NEK3: variants seen among roughly 807,000 people sequenced by gnomAD.
The protein encoded by NEK3 is NIMA related kinase 3, also known as serine/threonine-protein kinase Nek3.
A neutral mutation model predicts 66.0 loss-of-function variants in NEK3; 54 were observed. The ratio of observed to expected loss-of-function variants is 0.82; its 90% CI spans 0.66 to 1.03. The LOEUF is 1.03. NEK3 is among the 50% of genes least tolerant of loss of function. The pLI, the probability that NEK3 is intolerant of heterozygous loss-of-function variation, is 0.00. For synonymous variants in NEK3, 200 were observed against 206.2 expected, an observed-to-expected ratio of 0.97 and a Z score of 0.26; for missense variants, 593 against 603.0, an observed-to-expected ratio of 0.98 and a Z score of 0.17.
chr13:52,134,099 T>C (rs1182855911), intron 14 of NEK3, among the ~76,000 whole-genome samples: 1 of 152,064 alleles, frequency 6.6e-6, no homozygotes, highest in African/African-American at 2.4e-5. Context: ...GGCATGATCA[T>C]AGCTCAATGC....
At chr13:52,144,634 A>C (rs537356937) in intron 9 of NEK3, 57 bp downstream of exon 9, 1 of 1,378,566 alleles carries the variant, frequency 7.3e-7, no homozygotes, top group Admixed American at 1.8e-5. Flanking sequence ...AAAAGATAAC[A>C]AACCATTTTA....
chr13:52,139,463 G>A (rs1469246381), intron 11 of NEK3, among the ~76,000 whole-genome samples: 1 of 152,168 alleles, frequency 6.6e-6, no homozygotes, highest in African/African-American at 2.4e-5. Context: ...CAGAGTTTCT[G>A]TTTGGGATGA....
At chr13:52,136,392 A>G (rs1047361203) in intron 12 of NEK3, 133 bp from the exon 13 acceptor site, 2 of 939,780 alleles carry the variant, frequency 2.1e-6, no homozygotes, top group South Asian at 2.2e-5. Context: ...TGAAAGATCA[A>G]TGTTCTTTCT....
intron 12 of NEK3, 119 bp from the exon 13 acceptor site, chr13:52,136,378 T>C (rs1945274713): frequency 1.2e-5 from 12 of 1,010,536 alleles, no homozygotes; most frequent in East Asian, 7.9e-5. Context: ...TTCAGATCTA[T>C]GTTTGAAAGA....
At position 52,143,936 on chromosome 13, in the gene NEK3, G is replaced by C. The variant is rs1411364630; in HGVS notation, c.856C>G (p.His286Asp). The change falls in exon 10 of 16, where the codon CAT becomes GAT. Residue 286 changes from histidine (H) to aspartate (D), a missense_variant. By Grantham distance (81) the His-to-Asp change is moderately conservative. Transcript: ENST00000610828. The part of the protein sequence containing the change: ...EVLEEIKNSK[H>D]NTPRKKTNPS... ...TTACTTTTTTTTCTTGGTGTGTTAT[G>C]CTTCGAATTTTTTATTTCTTCTAAT... 7 of 1,495,264 alleles carry C rather than the reference G, an allele frequency of 4.7e-6. No individual in the cohort carries two copies. The highest frequency in any genetic ancestry group is 6.4e-6 in the Non-Finnish European group (7 of 1,101,392). 92.6% of individuals were successfully genotyped at this position (1,495,264 alleles called of 1,614,324 possible).
chr13:52,135,921 T>A, intron 13 of NEK3, 58 bp from the exon 14 acceptor site: 3 of 1,564,846 alleles, frequency 1.9e-6, no homozygotes, highest in Non-Finnish European at 2.6e-6. Context: ...CAGCATGTAC[T>A]TTCCAGATCA....
At chr13:52,153,775 C>G (rs940970235) in intron 4 of NEK3, 120 bp downstream of exon 4, 1 of 681,260 alleles carries the variant, frequency 1.5e-6, no homozygotes, top group Non-Finnish European at 2.5e-6. Context: ...AGAAATCAGT[C>G]ATTTCTATCT....
rs1356043646 is a variant in NEK3 at position 52,156,417 on chromosome 13, A to G, written c.-57-169T>C. 2 of 361,776 alleles carry G rather than the reference A, an allele frequency of 5.5e-6. 1 individual carries two copies. The highest frequency in any genetic ancestry group is 4.2e-5 in the African/African-American group (2 of 47,684). 22.4% of individuals were successfully genotyped at this position (361,776 alleles called of 1,614,324 possible). A position where few individuals can be genotyped will look rare whatever the true frequency, so the allele number is the denominator to read the frequency against. On this transcript the variant is annotated intron_variant, in intron 1 of 15. Coordinates refer to ENST00000610828, the MANE Select transcript of NEK3 (RefSeq NM_002498.3). ...CCACTTTCATGTAAGAATTGTTTTG[A>G]GCTGAAACCAATTTGCTCTTTGCCC...
rs1185303941 is a variant in NEK3, at chr13:52,154,007, A to C, written c.212-15T>G. On this transcript the variant is annotated splice_polypyrimidine_tract_variant and intron_variant, in intron 3 of 15. Coordinates refer to ENST00000610828, the MANE Select transcript of NEK3 (RefSeq NM_002498.3). ...GTGTCCTTCAGCTAAAACAGATATA[A>C]GCTCTTTAGAAAAGCTGTAGTGGCT... 3.7e-6 allele frequency: 6 copies of C among 1,607,812 alleles called. No homozygotes were observed. In the East Asian group the frequency reaches 1.1e-4, roughly 30 times the overall value.
At chr13:52,143,454 C>T (rs929013147) in intron 10 of NEK3, among the ~76,000 whole-genome samples, 6 of 152,186 alleles carry the variant, frequency 3.9e-5, no homozygotes, top group Non-Finnish European at 8.8e-5. Context: ...GATAAACCTA[C>T]TCCGACGCAT....
At chr13:52,151,639 C>T (rs1382288418) in intron 5 of NEK3, among the ~76,000 whole-genome samples, 1 of 152,204 alleles carries the variant, frequency 6.6e-6, no homozygotes, top group Non-Finnish European at 1.5e-5. Context: ...CGCAATCGAC[C>T]CAGTGAGAAC....
At chr13:52,147,693 C>T (rs916461871) in intron 8 of NEK3, among the ~76,000 whole-genome samples, 42 of 151,996 alleles carry the variant, frequency 2.8e-4, no homozygotes, top group Admixed American at 7.2e-4. Flanking sequence ...TAGTAGTGGC[C>T]GGGCATAGTG....
chr13:52,136,197 T>G lies in NEK3; in HGVS notation c.1093A>C (p.Lys365Gln), dbSNP rs550901888. Residue 365 changes from lysine to glutamine, a missense_variant, in exon 13 of 16, where the codon AAA becomes CAA. Transcript: ENST00000610828. The part of the protein sequence containing the change: ...SPNLHRRQWE[K>Q]NVPNTALTAL... ...GTAAGAGCTGTATTGGGTACATTTT[T>G]CTCCCACTGTCGTCTATGAAGATTT... 1.2e-6 allele frequency: 2 copies of G among 1,613,832 alleles called. No homozygotes were observed. The highest frequency in any genetic ancestry group is 2.2e-5 in the South Asian group (2 of 91,074).
At position 52,144,710 on chromosome 13, in the gene NEK3, T is replaced by G. The variant is rs749922885; in HGVS notation, c.785A>C (p.Gln262Pro). ...TCATACCTCGGGGGGTAAGCACTTC[T>G]GGACAAGCCGAGCTACGATGCCTCG... is the stretch of plus-strand genomic sequence containing the variant. ...LSRGIVARLVQKCLPPEIIME... is the reference protein window; with the variant it reads ...LSRGIVARLVPKCLPPEIIME... The change falls in exon 9 of 16, where the codon CAG becomes CCG. Residue 262 changes from glutamine (Q) to proline (P), a missense_variant. Physicochemically the swap from Gln to Pro is moderately conservative, Grantham distance 76. Transcript: ENST00000610828. The G allele has an allele frequency of 6.2e-7, 1 of 1,613,804 alleles. No homozygotes were observed.
At chr13:52,135,909 T>C in intron 13 of NEK3, 46 bp from the exon 14 acceptor site, 4 of 1,588,094 alleles carry the variant, frequency 2.5e-6, no homozygotes, top group Non-Finnish European at 3.4e-6. Flanking sequence ...AAAAAGATTT[T>C]TCAGCATGTA....
rs1956280022 is a variant in NEK3 at position 52,144,732 on chromosome 13, C to T, written c.763G>A (p.Gly255Ser). The change falls in exon 9 of 16, where the codon GGC becomes AGC. Residue 255 changes from glycine to serine, a missense_variant. Transcript: ENST00000610828. Reference sequence around the variant, plus strand: ...TTCTGGACAAGCCGAGCTACGATGCCTCGAGAGAGAAGCGTTGTAGCCGAG... The same window carrying T: ...TTCTGGACAAGCCGAGCTACGATGCTTCGAGAGAGAAGCGTTGTAGCCGAG... ...RPSATTLLSR[G>S]IVARLVQKCL... 1 of 1,613,912 alleles carries T rather than the reference C, an allele frequency of 6.2e-7. No homozygotes were observed. The highest frequency in any genetic ancestry group is 8.5e-7 in the Non-Finnish European group (1 of 1,179,878).
chr13:52,151,896 C>G (rs969334325), intron 5 of NEK3, among the ~76,000 whole-genome samples: 2 of 152,130 alleles, frequency 1.3e-5, no homozygotes, highest in African/African-American at 4.8e-5. Context: ...CATTGTATTC[C>G]AATTGCCTAA....
Position 52,143,959 on chromosome 13 carries a change from A to C in NEK3, c.833T>G (p.Leu278Ter), listed in dbSNP as rs1956272616. ...EIIMEYGEEV[L>*]EEIKNSKHNT... ...ATGCTTCGAATTTTTTATTTCTTCTAATACTTCCTCACCATATTCCATGAT... is the reference window on the plus strand; with the variant it reads ...ATGCTTCGAATTTTTTATTTCTTCTCATACTTCCTCACCATATTCCATGAT... The change falls in exon 10 of 16, where the codon TTA (leucine) becomes TGA (stop). Residue 278 changes from leucine (L) to a stop codon, truncating the protein, a stop_gained. Transcript: ENST00000610828. LOFTEE classifies it high-confidence loss of function. 6.6e-7 allele frequency: 1 copy of C among 1,504,950 alleles called. No homozygotes were observed. Among genetic ancestry groups the C allele is most frequent in the Non-Finnish European group, 9.0e-7 (1 of 1,110,192 alleles). 93.2% of individuals were successfully genotyped at this position (1,504,950 alleles called of 1,614,324 possible). A position where few individuals can be genotyped will look rare whatever the true frequency, so the allele number is the denominator to read the frequency against.
At chr13:52,144,436 A>G (rs951212777) in intron 9 of NEK3, among the ~76,000 whole-genome samples, 3 of 152,162 alleles carry the variant, frequency 2.0e-5, no homozygotes, top group Non-Finnish European at 1.5e-5. Flanking sequence ...AGTACATATA[A>G]TTTCGATAGA....
Sources: allele counts gnomAD v4.1 joint callset (sites outside exome capture counted in the v4.1 genomes callset), GRCh38; gene constraint gnomAD v4.1.1; transcripts MANE v1.5; gene names NCBI Gene and HGNC (gene_info 2026-07-23, HGNC 2026-07-21).